PATL2: variants seen among roughly 807,000 people sequenced by gnomAD.
PATL2 encodes the protein protein PAT1 homolog 2.
Under a neutral mutation model 77.0 loss-of-function variants are expected in PATL2, and 73 were observed. The observed-to-expected ratio is 0.95, with a 90% confidence interval of 0.78 to 1.15. The LOEUF (loss-of-function observed/expected upper bound fraction) is 1.15. PATL2 is among the 50% of genes most tolerant of loss of function. The pLI, the probability that PATL2 is intolerant of heterozygous loss-of-function variation, is 0.00. For missense variants in PATL2, 618 were observed against 655.4 expected (o/e 0.94, Z 0.62); for synonymous variants, 265 against 257.1 (o/e 1.03, Z -0.29).
chr15:44,676,051 C>T (rs1417560616), intron 4 of PATL2: 4 of 313,864 alleles, frequency 1.3e-5, no homozygotes, highest in East Asian at 7.0e-5. Flanking sequence ...AAAAGGAACC[C>T]GGCAGATACC....
At chr15:44,668,830 A>T in intron 14 of PATL2, 150 bp downstream of exon 14, 2 of 968,410 alleles carry the variant, frequency 2.1e-6, no homozygotes, top group Non-Finnish European at 3.0e-6. Context: ...ATAGTTCTGT[A>T]ACTTCCTTGC....
chr15:44,668,880 A>G, intron 14 of PATL2, 100 bp downstream of exon 14: 1 of 1,370,272 alleles, frequency 7.3e-7, no homozygotes, highest in Non-Finnish European at 9.7e-7. Flanking sequence ...TGTGCCCAGC[A>G]CCTTCTCTGG....
intron 3 of PATL2, among the ~76,000 whole-genome samples, chr15:44,690,334 C>A (rs2086362068): frequency 6.7e-6 from 1 of 149,970 alleles, no homozygotes; most frequent in African/African-American, 2.5e-5. Context: ...CAAATAAAGT[C>A]AAAATATTTT....
At chr15:44,678,237 C>A (rs1325284269) in intron 3 of PATL2, among the ~76,000 whole-genome samples, 4 of 152,072 alleles carry the variant, frequency 2.6e-5, no homozygotes, top group Non-Finnish European at 5.9e-5. Context: ...AACAAAAGGA[C>A]CACATGGTGA....
At chr15:44,703,248 C>A (rs1008727553) in intron 3 of PATL2, among the ~76,000 whole-genome samples, 9 of 152,070 alleles carry the variant, frequency 5.9e-5, no homozygotes, top group Non-Finnish European at 8.8e-5. Flanking sequence ...TGCACTCCAG[C>A]CTGGGCAACA....
chr15:44,694,755 G>C (rs1233715177), intron 3 of PATL2, among the ~76,000 whole-genome samples: 1 of 152,166 alleles, frequency 6.6e-6, no homozygotes, highest in African/African-American at 2.4e-5. Context: ...AAAAAGGGAT[G>C]GCAACATCTG....
At chr15:44,673,553 C>A (rs921269505) in intron 6 of PATL2, among the ~76,000 whole-genome samples, 176 bp from the exon 7 acceptor site, 3 of 152,198 alleles carry the variant, frequency 2.0e-5, no homozygotes, top group Non-Finnish European at 2.9e-5. Flanking sequence ...GGTTCCTGCC[C>A]TTGTTTCAAC....
chr15:44,702,907 A>G (rs2141266987), intron 3 of PATL2, among the ~76,000 whole-genome samples: 1 of 152,196 alleles, frequency 6.6e-6, no homozygotes, highest in South Asian at 2.1e-4. Flanking sequence ...CATATGGTCT[A>G]TCCTTGAGAA....
chr15:44,706,215 T>C (rs189540258), intron 3 of PATL2, among the ~76,000 whole-genome samples: 17 of 152,326 alleles, frequency 1.1e-4, no homozygotes, highest in African/African-American at 4.1e-4. Flanking sequence ...TCCTGATGCT[T>C]GTGGATGTTC....
chr15:44,676,833 C>T (rs988454598), intron 3 of PATL2: 10 of 1,125,324 alleles, frequency 8.9e-6, no homozygotes, highest in South Asian at 2.2e-5. Flanking sequence ...AGTCACCGTC[C>T]GAGTGTGGTG....
intron 13 of PATL2, 34 bp from the exon 14 acceptor site, chr15:44,669,173 C>G: frequency 1.3e-6 from 2 of 1,522,818 alleles, no homozygotes; most frequent in Non-Finnish European, 1.8e-6. Context: ...TTTCAGAGCT[C>G]TGCATAGAGG....
intron 3 of PATL2, among the ~76,000 whole-genome samples, chr15:44,685,862 C>T (rs1389197687): frequency 1.3e-5 from 2 of 152,104 alleles, no homozygotes; most frequent in African/African-American, 4.8e-5. Context: ...AGCTAACTAT[C>T]CTAAATATAT....
Position 44,668,370 on chromosome 15 carries a change from C to A in PATL2, c.1337G>T (p.Arg446Leu). The change falls in exon 15 of 18, where the codon CGG becomes CTG. Residue 446 changes from arginine to leucine, a missense_variant. Arg to Leu is a moderately radical substitution (Grantham distance 102, BLOSUM62 -2). Transcript: ENST00000682850. Reference protein sequence around the residue: ...LTLLPPGSSERPVTVVLQNQF... With the variant: ...LTLLPPGSSELPVTVVLQNQF... ...ATTCTGAAGCACCACGGTGACTGGCCGCTCTGAGGAGCCAGGTGGCAACAG... is the reference window on the plus strand; with the variant it reads ...ATTCTGAAGCACCACGGTGACTGGCAGCTCTGAGGAGCCAGGTGGCAACAG... The A allele has an allele frequency of 6.4e-7, 1 of 1,550,950 alleles. No individual in the cohort carries two copies. Among genetic ancestry groups the A allele is most frequent in the Non-Finnish European group, 8.7e-7 (1 of 1,146,874 alleles).
intron 3 of PATL2, among the ~76,000 whole-genome samples, chr15:44,691,991 T>C (rs1266976744): frequency 6.6e-6 from 1 of 152,132 alleles, no homozygotes. Context: ...TGCGAACATC[T>C]TCAATACAGG....
chr15:44,670,163 C>A (rs1303929722), intron 9 of PATL2, 76 bp from the exon 10 acceptor site: 2 of 1,515,202 alleles, frequency 1.3e-6, no homozygotes, highest in East Asian at 2.5e-5. Context: ...TTAAGTTTCT[C>A]AAGTGCAGCC....
At chr15:44,680,307 C>T (rs2086105436) in intron 3 of PATL2, among the ~76,000 whole-genome samples, 1 of 152,180 alleles carries the variant, frequency 6.6e-6, no homozygotes. Flanking sequence ...CTGCCTTTCC[C>T]ATACATCCCT....
intron 3 of PATL2, among the ~76,000 whole-genome samples, chr15:44,687,261 T>C (rs973453977): frequency 2.6e-5 from 4 of 152,132 alleles, no homozygotes; most frequent in Non-Finnish European, 5.9e-5. Context: ...CATACACAAA[T>C]CGATTAACGT....
intron 3 of PATL2, among the ~76,000 whole-genome samples, chr15:44,708,780 C>G (rs2086791760): frequency 1.3e-5 from 2 of 152,204 alleles, no homozygotes; most frequent in Admixed American, 1.3e-4. Context: ...ACATTAATGT[C>G]CAAGTCTTTG....
intron 3 of PATL2, among the ~76,000 whole-genome samples, chr15:44,680,430 T>C (rs775234033): frequency 9.2e-5 from 14 of 152,138 alleles, no homozygotes; most frequent in South Asian, 4.1e-4. Context: ...ATAGAGGCCA[T>C]TGGGGCTGAT....
Sources: allele counts gnomAD v4.1 joint callset (sites outside exome capture counted in the v4.1 genomes callset), GRCh38; gene constraint gnomAD v4.1.1; transcripts MANE v1.5; gene names NCBI Gene and HGNC (gene_info 2026-07-23, HGNC 2026-07-21).